Variants in ITGAM observed in about 807,000 individuals in gnomAD.
ITGAM encodes integrin subunit alpha M.
A neutral mutation model predicts 137.5 loss-of-function variants in ITGAM; 79 were observed. The ratio of observed to expected loss-of-function variants is 0.57; its 90% CI spans 0.48 to 0.69. ITGAM has a LOEUF of 0.69. ITGAM is among the 30% of genes least tolerant of loss of function. The probability of loss-of-function intolerance (pLI) is 0.00; values close to 1 mark genes in which losing one functional copy is unlikely to be tolerated. For synonymous variants in ITGAM, 583 were observed against 592.3 expected, an observed-to-expected ratio of 0.98 and a Z score of 0.23; for missense variants, 1,343 against 1,483.5, an observed-to-expected ratio of 0.91 and a Z score of 1.56.
intron 12 of ITGAM, among the ~76,000 whole-genome samples, chr16:31,287,147 C>G (rs1363662230): frequency 6.6e-6 from 1 of 152,026 alleles, no homozygotes; most frequent in South Asian, 2.1e-4. Flanking sequence ...GAGTTCTTTC[C>G]CCATTGCTTG....
At chr16:31,316,304 G>C (rs1408964686) in intron 14 of ITGAM, among the ~76,000 whole-genome samples, 1 of 150,290 alleles carries the variant, frequency 6.7e-6, no homozygotes, top group Non-Finnish European at 1.5e-5. Flanking sequence ...AGGAGAATGG[G>C]GGAACCTGGG....
At chr16:31,277,712 G>A (rs946702159) in intron 11 of ITGAM, among the ~76,000 whole-genome samples, 6 of 151,996 alleles carry the variant, frequency 3.9e-5, no homozygotes, top group African/African-American at 1.5e-4. Flanking sequence ...AGGCTCGTCT[G>A]GAACTCCTGA....
intron 14 of ITGAM, among the ~76,000 whole-genome samples, chr16:31,319,233 C>T (rs2080422988): frequency 6.9e-6 from 1 of 144,488 alleles, no homozygotes; most frequent in Non-Finnish European, 1.5e-5. Context: ...GTCCATTCTC[C>T]CTTGGGTTTT....
chr16:31,321,559 G>A lies in ITGAM; in HGVS notation c.1934G>A (p.Gly645Asp), dbSNP rs752451349. 6 of 1,613,934 alleles carry A rather than the reference G, an allele frequency of 3.7e-6. No individual in the cohort carries two copies. The highest frequency in any genetic ancestry group is 3.3e-5 in the South Asian group (3 of 91,084). Reference protein sequence around the residue: ...VFECNDQVVKGKEAGEVRVCL... With the variant: ...VFECNDQVVKDKEAGEVRVCL... Reference sequence around the variant, plus strand: ...GAGTGTAATGATCAGGTGGTGAAAGGCAAGGAAGCCGGAGAGGTCAGAGTC... The same window carrying A: ...GAGTGTAATGATCAGGTGGTGAAAGACAAGGAAGCCGGAGAGGTCAGAGTC... Residue 645 changes from glycine (G) to aspartate (D), a missense_variant, in exon 16 of 30, where the codon GGC becomes GAC. Coordinates refer to ENST00000544665, the MANE Select transcript of ITGAM (RefSeq NM_000632.4).
chr16:31,318,344 CT>C (rs34125826), intron 14 of ITGAM, among the ~76,000 whole-genome samples: 17,498 of 131,100 alleles, frequency 0.13, 728 homozygotes, highest in African/African-American at 0.17. Flanking sequence ...CTTGTCAGTT[CT>C]TTTTTTTTTT....
rs1014818437 is a variant in ITGAM at position 31,286,350 on chromosome 16, G to A, written c.1356+8241G>A. Among the ~76,000 whole-genome samples, 10 of 152,048 alleles carry A rather than the reference G, an allele frequency of 6.6e-5. 1 individual carries two copies. The highest frequency in any genetic ancestry group is 2.2e-4 in the African/African-American group (9 of 41,392). ...TTGATAGAACAGCTTATTTTCTTTT[G>A]GATATATGGCCAGTAATGAGATTGC... is the stretch of plus-strand genomic sequence containing the variant. On this transcript the variant is annotated intron_variant, in intron 12 of 29. Transcript: ENST00000544665.
chr16:31,270,740 T>C lies in ITGAM; in HGVS notation c.428-214T>C, dbSNP rs1054151824. 2.6e-5 allele frequency among the ~76,000 whole-genome samples: 3 copies of C among 114,340 alleles called. 1 individual carries two copies. The highest frequency in any genetic ancestry group is 1.1e-4 in the African/African-American group (3 of 26,882). 75.0% of individuals were successfully genotyped at this position (114,340 alleles called of 152,430 possible). On this transcript the variant is annotated intron_variant, in intron 5 of 29. Coordinates refer to ENST00000544665, the MANE Select transcript of ITGAM (RefSeq NM_000632.4). ...ATATATATATATATATATATATATA[T>C]ATATGTTTTTAACGTGTGTATACAT...
rs567263531 is a variant in ITGAM at position 31,321,692 on chromosome 16, C to T, written c.2002+65C>T. ...GAGGACATGAATGGGTGCTGCAATC[C>T]ACTCTGCCCAGCCTTCTGGCTGTCC... is the stretch of plus-strand genomic sequence containing the variant. On this transcript the variant is annotated intron_variant, in intron 16 of 29. Coordinates refer to ENST00000544665, the MANE Select transcript of ITGAM (RefSeq NM_000632.4). 7 of 1,518,158 alleles carry T rather than the reference C, an allele frequency of 4.6e-6. No individual in the cohort carries two copies. In the South Asian group the frequency reaches 7.3e-5, roughly 16 times the overall value. 94.0% of individuals were successfully genotyped at this position (1,518,158 alleles called of 1,614,324 possible).
rs1001219788 is a variant in ITGAM at position 31,330,241 on chromosome 16, C to T, written c.3061-67C>T. 4.4e-6 allele frequency: 7 copies of T among 1,588,336 alleles called. No homozygotes were observed. In the African/African-American group the frequency reaches 8.1e-5, roughly 18 times the overall value. ...TGCTGGAACCTGTATGGTCTCTGAG[C>T]AAACGGGGAGGGGTGTTCTCTGCCT... On this transcript the variant is annotated intron_variant, in intron 26 of 29. Coordinates refer to ENST00000544665, the MANE Select transcript of ITGAM (RefSeq NM_000632.4).
chr16:31,310,264 C>T (rs2080311772), intron 14 of ITGAM, among the ~76,000 whole-genome samples: 1 of 152,162 alleles, frequency 6.6e-6, no homozygotes, highest in Non-Finnish European at 1.5e-5. Context: ...TGGGGAAGTT[C>T]TCCTGGATAA....
chr16:31,327,822 T>C (rs1014974149), intron 22 of ITGAM, among the ~76,000 whole-genome samples: 3 of 151,184 alleles, frequency 2.0e-5, no homozygotes, highest in Non-Finnish European at 4.4e-5. Flanking sequence ...GACTGACGGG[T>C]GTTGTTTGGG....
chr16:31,261,630 C>A, intron 1 of ITGAM, 62 bp from the exon 2 acceptor site: 2 of 1,075,040 alleles, frequency 1.9e-6, no homozygotes, highest in Non-Finnish European at 2.8e-6. Flanking sequence ...AGTGCTAGGA[C>A]TACAGCCCCT....
chr16:31,291,145 C>T (rs2080083008), intron 12 of ITGAM, among the ~76,000 whole-genome samples: 1 of 152,166 alleles, frequency 6.6e-6, no homozygotes, highest in South Asian at 2.1e-4. Context: ...GATGTCAATT[C>T]TCCCTGGGTT....
At chr16:31,267,469 AT>A (rs1402596381) in intron 5 of ITGAM, among the ~76,000 whole-genome samples, 1 of 151,994 alleles carries the variant, frequency 6.6e-6, no homozygotes, top group Non-Finnish European at 1.5e-5. Context: ...TTGTTGACAA[AT>A]TCTAAAGGAG....
rs377233362 is a variant in ITGAM, at chr16:31,297,564, C to A, written c.1407C>A (p.Asn469Lys). The part of the protein sequence containing the change: ...ASLCSVDVDS[N>K]GSTDLVLIGA... ...TCTGCTCCGTGGACGTGGACAGCAA[C>A]GGCAGCACCGACCTGGTCCTCATCG... Residue 469 changes from asparagine (N) to lysine (K), a missense_variant, in exon 13 of 30, where the codon AAC (asparagine) becomes AAA (lysine). By Grantham distance (94) the Asn-to-Lys change is moderately conservative. Transcript: ENST00000544665. The A allele has an allele frequency of 1.9e-6, 3 of 1,612,204 alleles. No homozygotes were observed. Among genetic ancestry groups the A allele is most frequent in the Admixed American group, 1.7e-5 (1 of 60,006 alleles).
chr16:31,270,853 G>A, intron 5 of ITGAM, 101 bp from the exon 6 acceptor site: 1 of 537,844 alleles, frequency 1.9e-6, no homozygotes, highest in Non-Finnish European at 3.0e-6. Context: ...TATAGAGACG[G>A]GGTCCTATAT....
chr16:31,286,278 T>C (rs941041281), intron 12 of ITGAM, among the ~76,000 whole-genome samples: 15 of 152,238 alleles, frequency 9.9e-5, no homozygotes, highest in African/African-American at 3.6e-4. Context: ...ATTCCATGTC[T>C]TTCTATTGTG....
Position 31,325,340 on chromosome 16 carries a change from A to G in ITGAM, c.2441A>G (p.Tyr814Cys). 1.2e-6 allele frequency: 2 copies of G among 1,613,946 alleles called. No homozygotes were observed. The highest frequency in any genetic ancestry group is 1.7e-6 in the Non-Finnish European group (2 of 1,179,856). ...VTVRNDGEDS[Y>C]RTQVTFFFPL... ...GTGAGAAATGATGGTGAGGACTCCT[A>G]CAGGACACAGGTCACCTTCTTCTTC... Residue 814 changes from tyrosine (Y) to cysteine (C), a missense_variant, in exon 20 of 30, where the codon TAC (tyrosine) becomes TGC (cysteine). Transcript: ENST00000544665.
At chr16:31,296,912 T>G (rs947670857) in intron 12 of ITGAM, among the ~76,000 whole-genome samples, 10 of 152,162 alleles carry the variant, frequency 6.6e-5, no homozygotes, top group Admixed American at 2.6e-4. Context: ...AAATAACAAA[T>G]AGTTATTTTT....
Sources: gnomAD v4.1 joint callset for allele counts (sites outside exome capture counted in the v4.1 genomes callset) on GRCh38, gnomAD v4.1.1 for gene constraint, MANE v1.5 for transcripts, NCBI Gene and HGNC (gene_info 2026-07-23, HGNC 2026-07-21) for gene names.